AUNIP: variants seen among roughly 807,000 people sequenced by gnomAD.
AUNIP encodes the protein aurora kinase A- and ninein-interacting protein.
A neutral mutation model predicts 12.2 loss-of-function variants in AUNIP; 16 were observed. That is an observed-to-expected ratio of 1.31 (90% CI 0.88 to 1.99). AUNIP has a LOEUF of 1.99. Ranked by LOEUF, AUNIP falls within the 30% of genes most tolerant of loss-of-function variation. AUNIP has a pLI of 0.00. For synonymous variants in AUNIP, 142 were observed against 154.8 expected (o/e 0.92, Z 0.61); for missense variants, 411 against 419.1 (o/e 0.98, Z 0.17).
chr1:25,856,099 T>C (rs1440656022), intron 1 of AUNIP, among the ~76,000 whole-genome samples: 1 of 152,154 alleles, frequency 6.6e-6, no homozygotes, highest in African/African-American at 2.4e-5. Flanking sequence ...GCACGGTGGC[T>C]CATGCCTGTA....
intron 1 of AUNIP, among the ~76,000 whole-genome samples, chr1:25,851,726 C>CTCTTA (rs59112040): frequency 0.28 from 42,586 of 151,710 alleles, 7,450 homozygotes; most frequent in African/African-American, 0.49. Flanking sequence ...TTATAGTATT[C>CTCTTA]TAATTATTTT....
Position 25,835,685 on chromosome 1 carries a change from G to C in AUNIP, c.382C>G (p.Gln128Glu). The change falls in exon 3 of 3, where the codon CAG (glutamine) becomes GAG (glutamate). Residue 128 changes from glutamine (Q) to glutamate (E), a missense_variant. Physicochemically the swap from Gln to Glu is conservative, Grantham distance 29. Transcript: ENST00000374298. ...GACTGAGGAGAGAGTCCAGCTTCCTGGATGTCTGCAGTGGTTGAAGTGGCT... is the reference window on the plus strand; with the variant it reads ...GACTGAGGAGAGAGTCCAGCTTCCTCGATGTCTGCAGTGGTTGAAGTGGCT... Reference protein sequence around the residue: ...PLATSTTADIQEAGLSPQSLQ... With the variant: ...PLATSTTADIEEAGLSPQSLQ... 6.2e-7 allele frequency: 1 copy of C among 1,614,186 alleles called. No individual in the cohort carries two copies. The highest frequency in any genetic ancestry group is 8.5e-7 in the Non-Finnish European group (1 of 1,180,024).
chr1:25,843,506 CAGTT>C (rs1252896770), intron 1 of AUNIP, among the ~76,000 whole-genome samples: 1 of 141,414 alleles, frequency 7.1e-6, no homozygotes, highest in African/African-American at 2.6e-5. Flanking sequence ...CTTATAATCT[CAGTT>C]ACTCAGGAGA....
intron 1 of AUNIP, among the ~76,000 whole-genome samples, chr1:25,845,475 G>A (rs2048375049): frequency 6.6e-6 from 1 of 152,082 alleles, no homozygotes. Context: ...CACAGAGAAA[G>A]GCATTTTTTA....
chr1:25,845,818 G>C (rs72664005), intron 1 of AUNIP, among the ~76,000 whole-genome samples: 6 of 152,030 alleles, frequency 3.9e-5, no homozygotes, highest in Admixed American at 3.9e-4. Context: ...AAACACTAAG[G>C]CTTTTCTAAT....
intron 1 of AUNIP, among the ~76,000 whole-genome samples, chr1:25,854,131 A>G (rs1015715304): frequency 3.3e-5 from 5 of 152,162 alleles, no homozygotes; most frequent in African/African-American, 1.2e-4. Context: ...AACTGCTTCA[A>G]CCCAGCAGGT....
At chr1:25,849,824 C>T (rs1039987270) in intron 1 of AUNIP, among the ~76,000 whole-genome samples, 9 of 152,084 alleles carry the variant, frequency 5.9e-5, no homozygotes, top group East Asian at 3.9e-4. Flanking sequence ...TTAGTAGAGA[C>T]GGGGTTTCAT....
chr1:25,854,946 ATTCT>A (rs1449291594), intron 1 of AUNIP, among the ~76,000 whole-genome samples: 5 of 148,652 alleles, frequency 3.4e-5, no homozygotes, highest in Admixed American at 6.7e-5. Flanking sequence ...TAGATTCAGA[ATTCT>A]TTCTTTTTTT....
chr1:25,832,247 C>G, downstream of AUNIP: 2 of 1,348,548 alleles, frequency 1.5e-6, no homozygotes, highest in Non-Finnish European at 2.0e-6. Context: ...ACATTTGTTT[C>G]AGGTAATCGT....
chr1:25,843,594 GAAAAAAAAAAAAA>G lies in AUNIP; in HGVS notation c.79-6053_79-6041del, dbSNP rs769525747. Among the ~76,000 whole-genome samples the G allele has an allele frequency of 6.5e-3, 207 of 31,892 alleles. 3 individuals carry two copies. The highest frequency in any genetic ancestry group is 0.045 in the Admixed American group (126 of 2,796). 20.9% of individuals were successfully genotyped at this position (31,892 alleles called of 152,430 possible). A position where few individuals can be genotyped will look rare whatever the true frequency, so the allele number is the denominator to read the frequency against. ...CAAAATAGTGAGCTCCTGTCTGTTT[GAAAAAAAAAAAAA>G]AAAAAAAAAAAAAAAAGGGATTCAT... On this transcript the variant is annotated intron_variant, in intron 1 of 2. Transcript: ENST00000374298.
intron 1 of AUNIP, among the ~76,000 whole-genome samples, chr1:25,844,175 C>T (rs2048366945): frequency 1.3e-5 from 2 of 152,144 alleles, no homozygotes; most frequent in Admixed American, 6.5e-5. Context: ...GGCGCAATCT[C>T]GGCTCACTGC....
downstream of AUNIP, chr1:25,832,105 G>A (rs754718281): frequency 1.2e-6 from 2 of 1,608,782 alleles, no homozygotes; most frequent in Non-Finnish European, 1.7e-6. Context: ...AGATGTTTCT[G>A]CCTCTTAAGG....
At chr1:25,843,172 C>CAAA (rs1216108790) in intron 1 of AUNIP, among the ~76,000 whole-genome samples, 1 of 134,870 alleles carries the variant, frequency 7.4e-6, no homozygotes, top group African/African-American at 2.9e-5. Flanking sequence ...GACCCCATCT[C>CAAA]AAAAAAAAAA....
At chr1:25,843,124 C>A (rs905927699) in intron 1 of AUNIP, among the ~76,000 whole-genome samples, 1 of 149,714 alleles carries the variant, frequency 6.7e-6, no homozygotes, top group Non-Finnish European at 1.5e-5. Flanking sequence ...GTGTAGTGAG[C>A]CATGATCATG....
rs2048298173 is a variant in AUNIP at position 25,835,788 on chromosome 1, G to C, written c.279C>G (p.Asn93Lys). The C allele has an allele frequency of 6.2e-7, 1 of 1,614,082 alleles. No individual in the cohort carries two copies. The highest frequency in any genetic ancestry group is 1.3e-5 in the African/African-American group (1 of 74,932). The change falls in exon 3 of 3, where the codon AAC (asparagine) becomes AAG (lysine). Residue 93 changes from asparagine to lysine, a missense_variant. Transcript: ENST00000374298. ...SVSSHTESQI[N>K]KESKKNATQL... ...GGGTCGCATTTTTCTTGGACTCTTT[G>C]TTGATCTGACTTTCTGTATGAGATG...
intron 1 of AUNIP, among the ~76,000 whole-genome samples, chr1:25,856,685 C>G (rs2048464406): frequency 6.6e-6 from 1 of 152,026 alleles, no homozygotes; most frequent in Non-Finnish European, 1.5e-5. Flanking sequence ...CGGAAAACAA[C>G]AACAACAACA....
chr1:25,834,571 C>G lies in AUNIP; in HGVS notation c.*422G>C, dbSNP rs751327082. On this transcript the variant is annotated 3_prime_UTR_variant, in exon 3 of 3. Coordinates refer to ENST00000374298, the MANE Select transcript of AUNIP (RefSeq NM_024037.3). ...GACAGAGGGTGCAGTGAGCTGAGGT[C>G]GCACCACTGCACTCCAGCCTGGCAA... 2 of 909,758 alleles carry G rather than the reference C, an allele frequency of 2.2e-6. No homozygotes were observed. The highest frequency in any genetic ancestry group is 2.4e-4 in the East Asian group (2 of 8,402). 56.4% of individuals were successfully genotyped at this position (909,758 alleles called of 1,614,324 possible).
intron 1 of AUNIP, among the ~76,000 whole-genome samples, chr1:25,841,834 C>A (rs2124501571): frequency 6.6e-6 from 1 of 152,176 alleles, no homozygotes; most frequent in African/African-American, 2.4e-5. Flanking sequence ...AATCAGTGAT[C>A]TTTAATGTTA....
intron 1 of AUNIP, among the ~76,000 whole-genome samples, chr1:25,848,465 A>AG (rs60374075): frequency 2.2e-5 from 3 of 133,468 alleles, no homozygotes; most frequent in African/African-American, 2.8e-5. Context: ...CCGGGCAAAA[A>AG]TTTTTGAAAC....
Sources: allele counts gnomAD v4.1 joint callset (sites outside exome capture counted in the v4.1 genomes callset), GRCh38; gene constraint gnomAD v4.1.1; transcripts MANE v1.5; gene names NCBI Gene and HGNC (gene_info 2026-07-23, HGNC 2026-07-21).